PROM2: variants seen among roughly 807,000 people sequenced by gnomAD.
The protein encoded by PROM2 is prominin-2.
A neutral mutation model predicts 110.2 loss-of-function variants in PROM2; 90 were observed. The ratio of observed to expected loss-of-function variants is 0.82; its 90% CI spans 0.69 to 0.97. The LOEUF (loss-of-function observed/expected upper bound fraction) is 0.97, where lower values mean the gene tolerates loss of function less well. PROM2 is among the 50% of genes least tolerant of loss of function. The pLI is 0.00. For missense variants in PROM2, 1,009 were observed against 1,074.8 expected (o/e 0.94, Z 0.86); for synonymous variants, 470 against 467.8 (o/e 1.00, Z -0.06).
chr2:95,279,066 G>C lies in PROM2; in HGVS notation c.1196G>C (p.Arg399Pro). ...EGFPGLEAAS[R>P]WAQALQEVEE... ...TTCCCGGGCTTGGAGGCAGCTTCCC[G>C]CTGGGCCCAGGCACTGCAGGAGGTG... Residue 399 changes from arginine to proline, a missense_variant, in exon 10 of 24, where the codon CGC becomes CCC. By Grantham distance (103) the Arg-to-Pro change is moderately radical. Coordinates refer to ENST00000317620, the MANE Select transcript of PROM2 (RefSeq NM_001165978.3). The C allele has an allele frequency of 1.2e-6, 2 of 1,612,524 alleles. No individual in the cohort carries two copies. The highest frequency in any genetic ancestry group is 8.5e-7 in the Non-Finnish European group (1 of 1,179,630).
intron 11 of PROM2, 80 bp downstream of exon 11, chr2:95,280,077 G>C: frequency 7.7e-7 from 1 of 1,304,226 alleles, no homozygotes; most frequent in Non-Finnish European, 9.9e-7. Context: ...ATAGCTCCCG[G>C]TGTGGCTGCC....
chr2:95,279,352 A>C (rs1676895954), intron 10 of PROM2, among the ~76,000 whole-genome samples: 1 of 148,260 alleles, frequency 6.7e-6, no homozygotes, highest in Non-Finnish European at 1.5e-5. Flanking sequence ...GCTGGAGTGC[A>C]GTGGGGCGAT....
At position 95,281,365 on chromosome 2, in the gene PROM2, G is replaced by C; in HGVS notation, c.1551G>C (p.Glu517Asp). 2 of 1,610,540 alleles carry C rather than the reference G, an allele frequency of 1.2e-6. No individual in the cohort carries two copies. Among genetic ancestry groups the C allele is most frequent in the Non-Finnish European group, 1.7e-6 (2 of 1,179,672 alleles). ...GCTGGGAGAACGGCGAGCTCTTTGA[G>C]GTAGGCCTGTCTCTGCTCACAGGCC... ...CQSWENGELF[E>D]FADTPGNLPP... Residue 517 changes from glutamate to aspartate, a missense_variant and splice_region_variant, in exon 12 of 24, where the codon GAG (glutamate) becomes GAC (aspartate). Coordinates refer to ENST00000317620, the MANE Select transcript of PROM2 (RefSeq NM_001165978.3).
chr2:95,288,515 C>A lies in PROM2; in HGVS notation c.2367C>A (p.Thr789=), dbSNP rs1216244795. 1.9e-6 allele frequency: 3 copies of A among 1,614,098 alleles called. No individual in the cohort carries two copies. Among genetic ancestry groups the A allele is most frequent in the Non-Finnish European group, 2.5e-6 (3 of 1,180,042 alleles). Residue 789 remains threonine, a synonymous_variant, in exon 22 of 24, where the codon ACC becomes ACA. Coordinates refer to ENST00000317620, the MANE Select transcript of PROM2 (RefSeq NM_001165978.3). Reference sequence around the variant, plus strand: ...TCTGGTTCTGCCTGGCATGGTGCACCTTCTTCCTGATCCCCAGCATCATCT... The same window carrying A: ...TCTGGTTCTGCCTGGCATGGTGCACATTCTTCCTGATCCCCAGCATCATCT... The part of the protein sequence containing the change: ...NAFWFCLAWC[T]FFLIPSIIFA...
At chr2:95,287,635 T>C (rs932277594) in intron 20 of PROM2, among the ~76,000 whole-genome samples, 171 bp downstream of exon 20, 4 of 152,116 alleles carry the variant, frequency 2.6e-5, no homozygotes, top group Non-Finnish European at 4.4e-5. Context: ...GGCTGAGCTC[T>C]GTCCACCCCA....
At chr2:95,280,888 C>T (rs1003853525) in intron 11 of PROM2, among the ~76,000 whole-genome samples, 13 of 152,160 alleles carry the variant, frequency 8.5e-5, no homozygotes, top group African/African-American at 3.1e-4. Context: ...AGCTATCCTC[C>T]CACCTCAACC....
chr2:95,276,746 T>A lies in PROM2; in HGVS notation c.682+89T>A. 7.0e-7 allele frequency: 1 copy of A among 1,432,602 alleles called. No individual in the cohort carries two copies. Among genetic ancestry groups the A allele is most frequent in the Non-Finnish European group, 9.8e-7 (1 of 1,025,444 alleles). 88.7% of individuals were successfully genotyped at this position (1,432,602 alleles called of 1,614,324 possible). A position where few individuals can be genotyped will look rare whatever the true frequency, so the allele number is the denominator to read the frequency against. On this transcript the variant is annotated intron_variant, in intron 5 of 23. Coordinates refer to ENST00000317620, the MANE Select transcript of PROM2 (RefSeq NM_001165978.3). The surrounding 1 kb of genome is among the most constrained non-coding windows in gnomAD (Gnocchi z 4.6). ...GTGGGGGCCTCTCACTCCCTCATTC[T>A]GGACACCCCCGGGAACAGGCTGGTA...
chr2:95,291,250 G>C lies in PROM2; in HGVS notation c.*2037G>C, dbSNP rs1677667960. The C allele has an allele frequency of 6.6e-6, 1 of 151,848 alleles. No homozygotes were observed. The highest frequency in any genetic ancestry group is 2.4e-5 in the African/African-American group (1 of 41,346). The allele number at this position is 151,848 out of a possible 1,614,324, so 9.4% of individuals were successfully genotyped here. A position where few individuals can be genotyped will look rare whatever the true frequency, so the allele number is the denominator to read the frequency against. On this transcript the variant is annotated 3_prime_UTR_variant, in exon 24 of 24. Transcript: ENST00000317620. Reference sequence around the variant, plus strand: ...TTACTCATCTGTTGACCTACCTGGGGGAAGTAGCACCCTTGCATTTCAAAA... The same window carrying C: ...TTACTCATCTGTTGACCTACCTGGGCGAAGTAGCACCCTTGCATTTCAAAA...
At chr2:95,277,895 T>G in intron 7 of PROM2, 35 bp from the exon 8 acceptor site, 5 of 1,590,808 alleles carry the variant, frequency 3.1e-6, no homozygotes, top group Non-Finnish European at 3.4e-6. Context: ...GGCCTCTCCA[T>G]GAACTTTGTC....
chr2:95,279,925 G>A lies in PROM2; in HGVS notation c.1355G>A (p.Trp452Ter). 1 of 1,554,702 alleles carries A rather than the reference G, an allele frequency of 6.4e-7. No individual in the cohort carries two copies. Among genetic ancestry groups the A allele is most frequent in the Non-Finnish European group, 8.7e-7 (1 of 1,148,168 alleles). Residue 452 changes from tryptophan (W) to a stop codon, truncating the protein, a stop_gained, in exon 11 of 24, where the codon TGG becomes TAG. Coordinates refer to ENST00000317620, the MANE Select transcript of PROM2 (RefSeq NM_001165978.3). LOFTEE classifies it high-confidence loss of function. Reference protein sequence around the residue: ...CNLLGLNLGIWGLSARDDPSH... With the variant: ...CNLLGLNLGI ...CTGCTGGGCCTCAATCTGGGCATCTGGGGCCTGTCTGCCAGGGACGACCCC... is the reference window on the plus strand; with the variant it reads ...CTGCTGGGCCTCAATCTGGGCATCTAGGGCCTGTCTGCCAGGGACGACCCC...
intron 23 of PROM2, 62 bp downstream of exon 23, chr2:95,289,068 GGGGC>G: frequency 1.5e-6 from 2 of 1,340,874 alleles, no homozygotes; most frequent in African/African-American, 1.4e-5. Context: ...GGGGTGGGGA[GGGGC>G]TGGGGTCTGG....
rs938971567 is a variant in PROM2, at chr2:95,285,127, G to A, written c.1875+12G>A. ...ACTTCCTCGTTCAGGTCAGCGGTGG[G>A]CACCTCAGCAGGGCTTCCTCAGCAG... On this transcript the variant is annotated intron_variant, in intron 15 of 23. Transcript: ENST00000317620. 7 of 1,548,094 alleles carry A rather than the reference G, an allele frequency of 4.5e-6. No individual in the cohort carries two copies. Among genetic ancestry groups the A allele is most frequent in the Non-Finnish European group, 6.1e-6 (7 of 1,143,500 alleles).
rs1191182795 is a variant in PROM2, at chr2:95,281,268, C to G, written c.1454C>G (p.Ala485Gly). Residue 485 changes from alanine (A) to glycine (G), a missense_variant, in exon 12 of 24, where the codon GCT becomes GGT. By Grantham distance (60) the Ala-to-Gly change is moderately conservative. Coordinates refer to ENST00000317620, the MANE Select transcript of PROM2 (RefSeq NM_001165978.3). ...MAGVGLSFLF[A>G]APLILLVFAT... The stretch of plus-strand genomic sequence containing the variant: ...GGTGTGGGCCTCAGCTTCCTCTTTG[C>G]TGCACCCCTCATCCTCCTGGTGTTC... 19 of 1,613,188 alleles carry G rather than the reference C, an allele frequency of 1.2e-5. No homozygotes were observed. The highest frequency in any genetic ancestry group is 1.6e-5 in the Non-Finnish European group (19 of 1,180,030).
chr2:95,275,001 GT>G lies in PROM2; in HGVS notation c.244+173del. On this transcript the variant is annotated intron_variant, in intron 1 of 23. Transcript: ENST00000317620. This position sits in a 1 kb window ranked among gnomAD's most constrained non-coding sequence, Gnocchi z 4.4. ...TCCAGAACCTGCTGTGTGACTGTGG[GT>G]AAGCCTCACTTCCTCTCTGAGCCTC... The G allele has an allele frequency of 1.3e-6, 1 of 785,642 alleles. No individual in the cohort carries two copies. The highest frequency in any genetic ancestry group is 1.9e-6 in the Non-Finnish European group (1 of 529,938). The allele number at this position is 785,642 out of a possible 1,614,324, so 48.7% of individuals were successfully genotyped here.
In PROM2 at chr2:95,275,330, T is replaced by A; in HGVS notation, c.245-131T>A. Reference sequence around the variant, plus strand: ...GGCACAGGGCTGCGGTGATGCAGCCTTCTGCGAGGGTGCCATGGTGGTGGC... The same window carrying A: ...GGCACAGGGCTGCGGTGATGCAGCCATCTGCGAGGGTGCCATGGTGGTGGC... On this transcript the variant is annotated intron_variant, in intron 1 of 23. Transcript: ENST00000317620. The surrounding 1 kb of genome is among the most constrained non-coding windows in gnomAD (Gnocchi z 4.4). 1 of 815,364 alleles carries A rather than the reference T, an allele frequency of 1.2e-6. No individual in the cohort carries two copies. Among genetic ancestry groups the A allele is most frequent in the Non-Finnish European group, 2.0e-6 (1 of 506,766 alleles). The allele number at this position is 815,364 out of a possible 1,614,324, so 50.5% of individuals were successfully genotyped here. A position where few individuals can be genotyped will look rare whatever the true frequency, so the allele number is the denominator to read the frequency against.
rs769431746 is a variant in PROM2, at chr2:95,277,454, G to A, written c.863G>A (p.Arg288Gln). The A allele has an allele frequency of 3.7e-6, 6 of 1,613,028 alleles. No homozygotes were observed. The highest frequency in any genetic ancestry group is 2.2e-5 in the East Asian group (1 of 44,884). The change falls in exon 7 of 24, where the codon CGG (arginine) becomes CAG (glutamine). Residue 288 changes from arginine (R) to glutamine (Q), a missense_variant. Arg to Gln is a conservative substitution (Grantham distance 43). Coordinates refer to ENST00000317620, the MANE Select transcript of PROM2 (RefSeq NM_001165978.3). ...CAGCAGGACCTGGAGCCAGCCATCC[G>A]GGAACACCGGGACCGCCTCCTTGAG... ...AGQQDLEPAI[R>Q]EHRDRLLELL...
intron 8 of PROM2, 62 bp from the exon 9 acceptor site, chr2:95,278,659 G>T: frequency 6.3e-7 from 1 of 1,597,820 alleles, no homozygotes; most frequent in Non-Finnish European, 8.6e-7. Flanking sequence ...GTGACTTTGG[G>T]GTCTCCCAAG....
chr2:95,288,621 A>G (rs775329011), intron 22 of PROM2, 32 bp downstream of exon 22: 2 of 1,580,284 alleles, frequency 1.3e-6, no homozygotes, highest in South Asian at 2.2e-5. Flanking sequence ...AGGCAGCATC[A>G]GGGGCCAGGG....
Position 95,276,400 on chromosome 2 carries a change from G to A in PROM2, c.618+53G>A, listed in dbSNP as rs1214294485. ...GTGCCCCTGTGAGCACTGGGCCCGG[G>A]CAGGACAGAGCCGAGTGGGCCCTCG... is the stretch of plus-strand genomic sequence containing the variant. On this transcript the variant is annotated intron_variant, in intron 4 of 23. Coordinates refer to ENST00000317620, the MANE Select transcript of PROM2 (RefSeq NM_001165978.3). The surrounding 1 kb of genome is among the most constrained non-coding windows in gnomAD (Gnocchi z 4.6). 4.4e-6 allele frequency: 7 copies of A among 1,602,066 alleles called. No individual in the cohort carries two copies. The African/African-American group carries it at 9.4e-5, about 21-fold the overall frequency.
Sources: gnomAD v4.1 joint callset for allele counts (sites outside exome capture counted in the v4.1 genomes callset) on GRCh38, gnomAD v4.1.1 for gene constraint, Gnocchi (gnomAD v3.1) non-coding constraint, MANE v1.5 for transcripts, NCBI Gene and HGNC (gene_info 2026-07-23, HGNC 2026-07-21) for gene names.